KLHL3: variants seen among roughly 807,000 people sequenced by gnomAD.
KLHL3 encodes the protein kelch like family member 3.
A neutral mutation model predicts 70.5 loss-of-function variants in KLHL3; 19 were observed. The ratio of observed to expected loss-of-function variants is 0.27; its 90% CI spans 0.19 to 0.40. The LOEUF is 0.40. Among genes scored for constraint, KLHL3 ranks in the 10% least tolerant of loss-of-function variants. KLHL3 has a pLI of 1.00. For missense variants in KLHL3, 512 were observed against 771.1 expected (o/e 0.66, Z 3.98); for synonymous variants, 258 against 290.3 (o/e 0.89, Z 1.13).
intron 8 of KLHL3, among the ~76,000 whole-genome samples, chr5:137,650,953 C>A (rs762306477): frequency 6.6e-6 from 1 of 151,898 alleles, no homozygotes; most frequent in Non-Finnish European, 1.5e-5. Context: ...CCAGGAACGA[C>A]AACTGGATTC....
intron 8 of KLHL3, among the ~76,000 whole-genome samples, chr5:137,653,948 G>A (rs1050285151): frequency 6.6e-6 from 1 of 152,156 alleles, no homozygotes. Flanking sequence ...TGCAACAACG[G>A]GGATGAATCT....
chr5:137,732,147 T>C (rs1186519887), intron 1 of KLHL3, among the ~76,000 whole-genome samples: 1 of 152,214 alleles, frequency 6.6e-6, no homozygotes, highest in Non-Finnish European at 1.5e-5. Context: ...GCAACTGCCA[T>C]TTCTGATATC....
intron 11 of KLHL3, among the ~76,000 whole-genome samples, chr5:137,637,075 C>T (rs561150983): frequency 2.7e-4 from 41 of 152,338 alleles, no homozygotes; most frequent in Admixed American, 1.3e-3. Context: ...TCTACTCCCC[C>T]AGCCCAGCTC....
At chr5:137,638,638 C>CCCCCTAGCTAAGCATGCTCTCCTTCTAG (rs1231758025) in intron 10 of KLHL3, among the ~76,000 whole-genome samples, 6 of 152,160 alleles carry the variant, frequency 3.9e-5, no homozygotes, top group African/African-American at 1.4e-4. Context: ...AAACTGGAGA[C>CCCCCTAGCTAAGCATGCTCTCCTTCTAG]CTGAGGCACC....
intron 2 of KLHL3, among the ~76,000 whole-genome samples, chr5:137,712,622 C>T (rs1752815281): frequency 6.6e-6 from 1 of 152,192 alleles, no homozygotes; most frequent in Admixed American, 6.5e-5. Context: ...ATTCAATTTA[C>T]CTGGGATCCT....
At chr5:137,715,075 A>G (rs1752868847) in intron 2 of KLHL3, among the ~76,000 whole-genome samples, 1 of 152,206 alleles carries the variant, frequency 6.6e-6, no homozygotes, top group Admixed American at 6.5e-5. Flanking sequence ...GCTGGATGGT[A>G]AGTCAGGAGT....
chr5:137,627,231 A>G (rs1000724006), intron 13 of KLHL3, among the ~76,000 whole-genome samples: 2 of 152,230 alleles, frequency 1.3e-5, no homozygotes, highest in Admixed American at 6.5e-5. Context: ...GAGAGATTGT[A>G]AAGTGAGTTT....
chr5:137,651,916 A>G (rs1294197415), intron 8 of KLHL3, among the ~76,000 whole-genome samples: 18 of 152,234 alleles, frequency 1.2e-4, no homozygotes, highest in Admixed American at 1.2e-3. Flanking sequence ...TCAATTATTT[A>G]TAACAAAAGT....
chr5:137,714,182 A>G (rs1432177079), intron 2 of KLHL3, among the ~76,000 whole-genome samples: 2 of 152,118 alleles, frequency 1.3e-5, no homozygotes, highest in South Asian at 4.1e-4. Flanking sequence ...CAAAAGCACA[A>G]ACAATAAGAA....
In KLHL3 at chr5:137,618,988, A is replaced by T. The variant is rs986996791; in HGVS notation, c.*3110T>A. ...AGGAAGAGAGCTACAGGCATGAACT[A>T]CGTTTGAGAGTGAATGATGCAAAGA... On this transcript the variant is annotated 3_prime_UTR_variant, in exon 15 of 15. Coordinates refer to ENST00000309755, the MANE Select transcript of KLHL3 (RefSeq NM_017415.3). The T allele has an allele frequency of 1.8e-4, 27 of 152,320 alleles. No individual in the cohort carries two copies. Among genetic ancestry groups the T allele is most frequent in the African/African-American group, 6.5e-4 (27 of 41,438 alleles). 9.4% of individuals were successfully genotyped at this position (152,320 alleles called of 1,614,324 possible). A position where few individuals can be genotyped will look rare whatever the true frequency, so the allele number is the denominator to read the frequency against.
At chr5:137,658,408 A>G in intron 7 of KLHL3, 128 bp from the exon 8 acceptor site, 2 of 881,618 alleles carry the variant, frequency 2.3e-6, no homozygotes, top group Non-Finnish European at 3.7e-6. Flanking sequence ...TCTCAGACCC[A>G]AAGAGTTACA....
chr5:137,666,850 G>A (rs1751626567), intron 6 of KLHL3, among the ~76,000 whole-genome samples: 1 of 152,072 alleles, frequency 6.6e-6, no homozygotes, highest in Non-Finnish European at 1.5e-5. Flanking sequence ...TTCCCACCAA[G>A]GGACTCTCCA....
chr5:137,731,389 G>A (rs1051065547), intron 1 of KLHL3, among the ~76,000 whole-genome samples: 6 of 152,178 alleles, frequency 3.9e-5, no homozygotes, highest in Admixed American at 6.5e-5. Flanking sequence ...GTGACTTGCC[G>A]CTGGGAACAG....
intron 12 of KLHL3, among the ~76,000 whole-genome samples, chr5:137,630,468 C>T (rs941910564): frequency 1.3e-5 from 2 of 152,226 alleles, no homozygotes; most frequent in Non-Finnish European, 2.9e-5. Flanking sequence ...CCTCCAACTT[C>T]GTGCCTGGCT....
intron 8 of KLHL3, among the ~76,000 whole-genome samples, chr5:137,652,289 T>C (rs1396736136): frequency 6.6e-6 from 1 of 152,144 alleles, no homozygotes; most frequent in African/African-American, 2.4e-5. Context: ...AGAACTACCA[T>C]ATAATCCAGC....
At chr5:137,722,402 G>A (rs963052165) in intron 1 of KLHL3, among the ~76,000 whole-genome samples, 1 of 152,166 alleles carries the variant, frequency 6.6e-6, no homozygotes, top group African/African-American at 2.4e-5. Context: ...AGTTAGCTGA[G>A]CAGAGGAAGA....
intron 1 of KLHL3, among the ~76,000 whole-genome samples, chr5:137,728,603 G>A (rs1753122326): frequency 6.6e-6 from 1 of 152,180 alleles, no homozygotes; most frequent in Non-Finnish European, 1.5e-5. Context: ...ATAGGTTACT[G>A]CTTACTGTGT....
chr5:137,648,334 G>A (rs1751108180), intron 8 of KLHL3, among the ~76,000 whole-genome samples: 1 of 152,240 alleles, frequency 6.6e-6, no homozygotes, highest in African/African-American at 2.4e-5. Context: ...GCCCAACTCA[G>A]GAGCAAGCCA....
intron 6 of KLHL3, among the ~76,000 whole-genome samples, chr5:137,671,457 G>C (rs1460648352): frequency 1.3e-5 from 2 of 152,148 alleles, no homozygotes; most frequent in African/African-American, 4.8e-5. Context: ...CCCCTGAATA[G>C]AAATGACTAC....
Sources: gnomAD v4.1 joint callset for allele counts (sites outside exome capture counted in the v4.1 genomes callset) on GRCh38, gnomAD v4.1.1 for gene constraint, MANE v1.5 for transcripts, NCBI Gene and HGNC (gene_info 2026-07-23, HGNC 2026-07-21) for gene names.